AKAP13: variants seen among roughly 807,000 people sequenced by gnomAD.
The protein encoded by AKAP13 is A-kinase anchoring protein 13.
Under a neutral mutation model 264.5 loss-of-function variants are expected in AKAP13, and 80 were observed. The observed-to-expected ratio is 0.30, with a 90% CI of 0.25 to 0.36. AKAP13 has a LOEUF of 0.36. Ranked by LOEUF, AKAP13 falls within the 10% of genes least tolerant of loss-of-function variation. AKAP13 has a pLI of 1.00. For synonymous variants in AKAP13, 1,380 were observed against 1,250.2 expected (o/e 1.10, Z -2.19); for missense variants, 3,712 against 3,435.2 (o/e 1.08, Z -2.01).
intron 36 of AKAP13, 140 bp downstream of exon 36, chr15:85,743,965 C>T: frequency 1.0e-6 from 1 of 981,308 alleles, no homozygotes; most frequent in Admixed American, 2.9e-5. Flanking sequence ...TTTTCACCAG[C>T]TCCGCTTGCT....
chr15:85,458,436 CTG>C (rs2074375088), intron 1 of AKAP13, among the ~76,000 whole-genome samples: 1 of 124,272 alleles, frequency 8.0e-6, no homozygotes, highest in South Asian at 2.4e-4. Context: ...TGCAACACAT[CTG>C]TATTTTAGTT....
chr15:85,560,665 TTA>T (rs1373224519), intron 5 of AKAP13, among the ~76,000 whole-genome samples: 1 of 81,344 alleles, frequency 1.2e-5, no homozygotes, highest in Admixed American at 1.2e-4. Context: ...CCCTCTTTTA[TTA>T]TGAGTAAATT....
At chr15:85,623,479 T>C (rs1020728864) in intron 8 of AKAP13, among the ~76,000 whole-genome samples, 2 of 152,226 alleles carry the variant, frequency 1.3e-5, no homozygotes, top group Non-Finnish European at 1.5e-5. Flanking sequence ...CTGTGTTATA[T>C]ACCCACGCTT....
intron 8 of AKAP13, among the ~76,000 whole-genome samples, chr15:85,622,685 T>C (rs1315678026): frequency 1.3e-5 from 2 of 152,192 alleles, no homozygotes; most frequent in Non-Finnish European, 2.9e-5. Flanking sequence ...TCCTACTCTT[T>C]GTCTCATTTT....
intron 1 of AKAP13, among the ~76,000 whole-genome samples, chr15:85,408,532 T>A (rs189477611): frequency 1.3e-5 from 2 of 151,850 alleles, no homozygotes; most frequent in East Asian, 3.9e-4. Context: ...CCTGTTTCTA[T>A]GGATTTGACT....
At position 85,680,493 on chromosome 15, in the gene AKAP13, G is replaced by GA. The variant is rs577768125; in HGVS notation, c.5102-1658dup. Among the ~76,000 whole-genome samples, 28 of 151,984 alleles carry GA rather than the reference G, an allele frequency of 1.8e-4. No individual in the cohort carries two copies. The East Asian group carries it at 4.8e-3, about 26-fold the overall frequency. On this transcript the variant is annotated intron_variant, in intron 14 of 36. Coordinates refer to ENST00000394518, the MANE Select transcript of AKAP13 (RefSeq NM_007200.5). ...AGAAGAACCCTAAACTGGGAAAAAG[G>GA]AAAAAAATACGGAAGGCAATCTTTT...
intron 3 of AKAP13, among the ~76,000 whole-genome samples, chr15:85,530,841 G>C (rs2077221217): frequency 6.6e-6 from 1 of 151,994 alleles, no homozygotes; most frequent in South Asian, 2.1e-4. Context: ...ATGGTGTTTT[G>C]GGTGATAATA....
intron 1 of AKAP13, among the ~76,000 whole-genome samples, chr15:85,455,824 C>A (rs1382178205): frequency 2.0e-5 from 3 of 151,938 alleles, no homozygotes; most frequent in Non-Finnish European, 4.4e-5. Flanking sequence ...TTACTGCAAA[C>A]TACTGTAATC....
At position 85,483,632 on chromosome 15, in the gene AKAP13, C is replaced by CAAAAA. The variant is rs35648447; in HGVS notation, c.-11-2063_-11-2059dup. 3.6e-4 allele frequency among the ~76,000 whole-genome samples: 21 copies of CAAAAA among 58,004 alleles called. No homozygotes were observed. In the East Asian group the frequency reaches 6.4e-3, roughly 18 times the overall value. The allele number at this position is 58,004 out of a possible 152,430, so 38.1% of individuals were successfully genotyped here. A position where few individuals can be genotyped will look rare whatever the true frequency, so the allele number is the denominator to read the frequency against. ...TGGGCGACAGAGCGAGACTCCGTCTCAAAAAAAAAAAAAAAAAAACACCAA... is the reference window on the plus strand; with the variant it reads ...TGGGCGACAGAGCGAGACTCCGTCTCAAAAAAAAAAAAAAAAAAAAAAAACACCAA... On this transcript the variant is annotated intron_variant, in intron 1 of 36. Transcript: ENST00000394518.
intron 17 of AKAP13, among the ~76,000 whole-genome samples, chr15:85,693,897 G>T (rs550420025): frequency 6.6e-6 from 1 of 152,134 alleles, no homozygotes; most frequent in Non-Finnish European, 1.5e-5. Context: ...GTTTAAGATA[G>T]GCCAGGCTAA....
intron 8 of AKAP13, chr15:85,619,853 C>A: frequency 1.5e-6 from 2 of 1,374,390 alleles, no homozygotes; most frequent in Non-Finnish European, 1.9e-6. Flanking sequence ...ATTCATCTTT[C>A]CAGCACTCTG....
intron 5 of AKAP13, among the ~76,000 whole-genome samples, chr15:85,546,564 T>G (rs550551578): frequency 1.6e-4 from 24 of 152,260 alleles, no homozygotes; most frequent in Admixed American, 4.6e-4. Context: ...GCTCTTTCCT[T>G]CCACTCCTGG....
intron 14 of AKAP13, among the ~76,000 whole-genome samples, chr15:85,678,040 A>G (rs1422564306): frequency 6.6e-6 from 1 of 152,194 alleles, no homozygotes; most frequent in Non-Finnish European, 1.5e-5. Context: ...AGATGAATAC[A>G]TTCTTACTTG....
chr15:85,542,201 T>C (rs945409124), intron 4 of AKAP13, among the ~76,000 whole-genome samples: 2 of 152,176 alleles, frequency 1.3e-5, no homozygotes, highest in Non-Finnish European at 2.9e-5. Context: ...TGCGCAGAGG[T>C]GTTGATTATT....
intron 15 of AKAP13, 115 bp downstream of exon 15, chr15:85,682,327 G>C: frequency 9.6e-7 from 1 of 1,045,374 alleles, no homozygotes; most frequent in Non-Finnish European, 1.4e-6. Flanking sequence ...TCTTCTTTGA[G>C]TGATAAACTT....
chr15:85,439,937 A>G (rs748026271), intron 1 of AKAP13, among the ~76,000 whole-genome samples: 1 of 151,342 alleles, frequency 6.6e-6, no homozygotes, highest in East Asian at 1.9e-4. Flanking sequence ...AACCTGCACA[A>G]TATGCACATG....
At chr15:85,684,667 C>A in intron 15 of AKAP13, 74 bp from the exon 16 acceptor site, 1 of 1,491,350 alleles carries the variant, frequency 6.7e-7, no homozygotes, top group Non-Finnish European at 9.0e-7. Context: ...CCTTCATCTA[C>A]CTTTTATTCT....
At chr15:85,672,905 T>C (rs2084001762) in intron 14 of AKAP13, among the ~76,000 whole-genome samples, 1 of 152,248 alleles carries the variant, frequency 6.6e-6, no homozygotes, top group African/African-American at 2.4e-5. Context: ...TCACCATTGC[T>C]AGGACATTGT....
chr15:85,565,332 T>C (rs1028468688), intron 5 of AKAP13, among the ~76,000 whole-genome samples: 2 of 152,196 alleles, frequency 1.3e-5, no homozygotes, highest in African/African-American at 4.8e-5. Context: ...TTTCACTTGT[T>C]TTTTGTCTGG....
Sources: gnomAD v4.1 joint callset for allele counts (sites outside exome capture counted in the v4.1 genomes callset) on GRCh38, gnomAD v4.1.1 for gene constraint, MANE v1.5 for transcripts, NCBI Gene and HGNC (gene_info 2026-07-23, HGNC 2026-07-21) for gene names.